The following ADIPOR2 variants were observed in gnomAD, a reference collection of about 807,000 sequenced individuals.
ADIPOR2 encodes the protein adiponectin receptor protein 2.
Under a neutral mutation model 40.9 loss-of-function variants are expected in ADIPOR2, and 18 were observed. The ratio of observed to expected loss-of-function variants is 0.44; its 90% CI spans 0.30 to 0.65. The LOEUF (loss-of-function observed/expected upper bound fraction) is 0.65. Ranked by LOEUF, ADIPOR2 falls within the 30% of genes least tolerant of loss-of-function variation. The pLI, the probability that ADIPOR2 is intolerant of heterozygous loss-of-function variation, is 0.09. For missense variants in ADIPOR2, 283 were observed against 479.2 expected (o/e 0.59, Z 3.82); for synonymous variants, 165 against 166.4 (o/e 0.99, Z 0.06).
chr12:1,708,871 C>T (rs923950073), intron 1 of ADIPOR2, among the ~76,000 whole-genome samples: 8 of 152,056 alleles, frequency 5.3e-5, no homozygotes, highest in African/African-American at 1.9e-4. Context: ...AGGTGTGCAC[C>T]ACCACGCCCG....
rs904444506 is a variant in ADIPOR2 at position 1,751,641 on chromosome 12, A to G, written c.-86-2617A>G. 3.9e-5 allele frequency among the ~76,000 whole-genome samples: 6 copies of G among 152,142 alleles called. No individual in the cohort carries two copies. The South Asian group carries it at 1.2e-3, about 32-fold the overall frequency. ...TCCCACTTCAGCCTCTTGAGTAGCT[A>G]GTACTACAGCCATGAGCCACGTGCC... On this transcript the variant is annotated intron_variant, in intron 1 of 7. Coordinates refer to ENST00000357103, the MANE Select transcript of ADIPOR2 (RefSeq NM_024551.3).
At chr12:1,748,086 T>A (rs1192986766) in intron 1 of ADIPOR2, among the ~76,000 whole-genome samples, 1 of 152,110 alleles carries the variant, frequency 6.6e-6, no homozygotes, top group Non-Finnish European at 1.5e-5. Context: ...GCTCTAAGAT[T>A]TTCCAATTTA....
At chr12:1,697,560 A>G (rs1484770709) in intron 1 of ADIPOR2, 3 of 152,676 alleles carry the variant, frequency 2.0e-5, no homozygotes, top group Admixed American at 6.5e-5. Flanking sequence ...AACACGATGT[A>G]TATGAAATTC....
At chr12:1,701,992 C>T (rs752456269) in intron 1 of ADIPOR2, among the ~76,000 whole-genome samples, 15 of 152,026 alleles carry the variant, frequency 9.9e-5, no homozygotes, top group Non-Finnish European at 1.3e-4. Context: ...CGGGGTGGCG[C>T]GTGCCTGTAA....
intron 1 of ADIPOR2, among the ~76,000 whole-genome samples, chr12:1,740,068 C>T (rs2094739289): frequency 6.6e-6 from 1 of 152,014 alleles, no homozygotes. Context: ...CATCGTTGTA[C>T]TCCAGCCTGG....
chr12:1,696,974 G>C (rs1350548772), intron 1 of ADIPOR2: 1 of 152,620 alleles, frequency 6.6e-6, no homozygotes, highest in East Asian at 1.9e-4. Flanking sequence ...AGCAATAACT[G>C]AGTGATCTCT....
chr12:1,780,593 C>G lies in ADIPOR2; in HGVS notation c.606C>G (p.His202Gln). 1 of 1,613,426 alleles carries G rather than the reference C, an allele frequency of 6.2e-7. No homozygotes were observed. Among genetic ancestry groups the G allele is most frequent in the Non-Finnish European group, 8.5e-7 (1 of 1,179,806 alleles). ...ILCLSFSWLFHTVYCHSEGVS... is the reference protein window; with the variant it reads ...ILCLSFSWLFQTVYCHSEGVS... ...GCCTTTCTTTTTCATGGCTCTTCCACACAGTCTACTGCCACTCAGAGGGGG... is the reference window on the plus strand; with the variant it reads ...GCCTTTCTTTTTCATGGCTCTTCCAGACAGTCTACTGCCACTCAGAGGGGG... The change falls in exon 5 of 8, where the codon CAC becomes CAG. Residue 202 changes from histidine (H) to glutamine (Q), a missense_variant. By Grantham distance (24) the His-to-Gln change is conservative. Around this residue, in one of 3 missense-constraint regions of ADIPOR2, gnomAD observed 112 missense variants for 249.5 expected, o/e 0.45. Transcript: ENST00000357103.
At chr12:1,759,858 C>G (rs1227357655) in intron 2 of ADIPOR2, among the ~76,000 whole-genome samples, 1 of 152,060 alleles carries the variant, frequency 6.6e-6, no homozygotes, top group Non-Finnish European at 1.5e-5. Flanking sequence ...AACCCCGTCT[C>G]TACGAAAAAT....
chr12:1,718,174 G>A (rs1352541029), intron 1 of ADIPOR2, among the ~76,000 whole-genome samples: 1 of 151,930 alleles, frequency 6.6e-6, no homozygotes, highest in Non-Finnish European at 1.5e-5. Context: ...ATTATCCTTC[G>A]AGTTTTATGC....
intron 2 of ADIPOR2, among the ~76,000 whole-genome samples, chr12:1,769,342 G>C (rs1862449503): frequency 6.6e-6 from 1 of 152,066 alleles, no homozygotes; most frequent in Non-Finnish European, 1.5e-5. Context: ...CTAACCCAGG[G>C]AACTGCATTT....
At chr12:1,693,036 T>C (rs909180856) in intron 1 of ADIPOR2, among the ~76,000 whole-genome samples, 2 of 152,056 alleles carry the variant, frequency 1.3e-5, no homozygotes, top group African/African-American at 4.8e-5. Flanking sequence ...ACTCTTGTTA[T>C]CCCAGCTGCC....
At chr12:1,716,844 C>A (rs1339539195) in intron 1 of ADIPOR2, among the ~76,000 whole-genome samples, 1 of 152,170 alleles carries the variant, frequency 6.6e-6, no homozygotes, top group East Asian at 1.9e-4. Context: ...ACACTGTATC[C>A]AACTAGGTAG....
At chr12:1,752,966 T>C (rs1186967062) in intron 1 of ADIPOR2, among the ~76,000 whole-genome samples, 12 of 152,218 alleles carry the variant, frequency 7.9e-5, no homozygotes, top group Admixed American at 7.9e-4. Context: ...CTTTAGATTT[T>C]TGTTTCTTCT....
At chr12:1,779,339 A>G (rs1341858397) in intron 4 of ADIPOR2, among the ~76,000 whole-genome samples, 2 of 152,236 alleles carry the variant, frequency 1.3e-5, no homozygotes, top group Non-Finnish European at 2.9e-5. Context: ...ATTTAGCTGC[A>G]AAAAGGGATG....
intron 6 of ADIPOR2, among the ~76,000 whole-genome samples, chr12:1,782,635 A>T (rs1315005242): frequency 1.3e-5 from 2 of 152,234 alleles, no homozygotes; most frequent in Non-Finnish European, 2.9e-5. Flanking sequence ...CGTATGTTAC[A>T]GTCTGATATT....
At chr12:1,732,779 C>CA (rs1393226135) in intron 1 of ADIPOR2, among the ~76,000 whole-genome samples, 2 of 152,066 alleles carry the variant, frequency 1.3e-5, no homozygotes, top group Non-Finnish European at 2.9e-5. Flanking sequence ...ATAACATAAA[C>CA]AATCTTCATG....
chr12:1,699,214 T>TAAA (rs892417821), intron 1 of ADIPOR2, among the ~76,000 whole-genome samples: 3 of 152,334 alleles, frequency 2.0e-5, no homozygotes, highest in African/African-American at 4.8e-5. Flanking sequence ...AATGGTCTTT[T>TAAA]AAAAATCTAA....
intron 1 of ADIPOR2, among the ~76,000 whole-genome samples, chr12:1,719,447 T>G (rs1282520383): frequency 1.3e-5 from 2 of 152,186 alleles, no homozygotes; most frequent in African/African-American, 2.4e-5. Flanking sequence ...CAGAATAAAT[T>G]TAATCTGACT....
intron 2 of ADIPOR2, among the ~76,000 whole-genome samples, chr12:1,761,826 G>C (rs1442310794): frequency 6.6e-6 from 1 of 152,146 alleles, no homozygotes; most frequent in Non-Finnish European, 1.5e-5. Context: ...TGTTTCTTGT[G>C]CTGTCCAATA....
Sources: allele counts gnomAD v4.1 joint callset (sites outside exome capture counted in the v4.1 genomes callset), GRCh38; gene constraint gnomAD v4.1.1; regional missense constraint gnomAD v4.1.1; transcripts MANE v1.5; gene names NCBI Gene and HGNC (gene_info 2026-07-23, HGNC 2026-07-21).